The following VNN1 variants were observed in gnomAD, a reference collection of about 807,000 sequenced individuals.
VNN1 encodes vanin 1, also known as pantetheinase.
A neutral mutation model predicts 41.9 loss-of-function variants in VNN1; 29 were observed. That is an observed-to-expected ratio of 0.69 (90% CI 0.52 to 0.94). The LOEUF is 0.94. Ranked by LOEUF, VNN1 falls within the 40% of genes least tolerant of loss-of-function variation. The probability of loss-of-function intolerance (pLI) is 0.00; values close to 1 mark genes in which losing one functional copy is unlikely to be tolerated. For synonymous variants in VNN1, 233 were observed against 224.4 expected (o/e 1.04, Z -0.34); for missense variants, 637 against 621.1 (o/e 1.03, Z -0.27).
chr6:132,709,600 G>T (rs934563767), intron 2 of VNN1, among the ~76,000 whole-genome samples: 1 of 151,614 alleles, frequency 6.6e-6, no homozygotes, highest in Admixed American at 6.6e-5. Flanking sequence ...GGGGATAGAG[G>T]TTGCAGTGAG....
At position 132,705,545 on chromosome 6, in the gene VNN1, A is replaced by G. The variant is rs147130086; in HGVS notation, c.341+6164T>C. Among the ~76,000 whole-genome samples the G allele has an allele frequency of 2.8e-3, 423 of 152,338 alleles. 3 individuals carry two copies. Among genetic ancestry groups the G allele is most frequent in the African/African-American group, 9.6e-3 (398 of 41,588 alleles). On this transcript the variant is annotated intron_variant, in intron 2 of 6. Transcript: ENST00000367928. ...CTCAACACAATAATAGCCATTTATGACAGACCCATGGCTGGTATCATACTG... is the reference window on the plus strand; with the variant it reads ...CTCAACACAATAATAGCCATTTATGGCAGACCCATGGCTGGTATCATACTG...
At chr6:132,694,944 GGA>G in intron 2 of VNN1, among the ~76,000 whole-genome samples, 3 of 152,158 alleles carry the variant, frequency 2.0e-5, no homozygotes, top group African/African-American at 7.2e-5. Flanking sequence ...GCTGAGGTCA[GGA>G]GTTCGAGACC....
chr6:132,690,526 C>T (rs1406613337), intron 5 of VNN1, among the ~76,000 whole-genome samples: 1 of 152,212 alleles, frequency 6.6e-6, no homozygotes, highest in Non-Finnish European at 1.5e-5. Flanking sequence ...AAGTAGAGCT[C>T]TTTAGTACTC....
At chr6:132,685,814 C>T (rs544080539) in intron 5 of VNN1, among the ~76,000 whole-genome samples, 20 of 152,316 alleles carry the variant, frequency 1.3e-4, no homozygotes, top group African/African-American at 4.8e-4. Context: ...CTGATCCTCC[C>T]CTACTCCAGT....
At chr6:132,689,996 A>G (rs1778259195) in intron 5 of VNN1, among the ~76,000 whole-genome samples, 1 of 152,156 alleles carries the variant, frequency 6.6e-6, no homozygotes, top group Non-Finnish European at 1.5e-5. Flanking sequence ...TGGACTCTCC[A>G]TTCCGTTTTC....
chr6:132,707,975 G>C (rs1387856339), intron 2 of VNN1, among the ~76,000 whole-genome samples: 3 of 152,112 alleles, frequency 2.0e-5, no homozygotes, highest in African/African-American at 7.2e-5. Context: ...TTGAGGGGAT[G>C]GAAACCCCAT....
At chr6:132,684,571 T>G (rs1778180396) in intron 5 of VNN1, 66 bp from the exon 6 acceptor site, 1 of 1,563,096 alleles carries the variant, frequency 6.4e-7, no homozygotes, top group Non-Finnish European at 8.8e-7. Flanking sequence ...TTTGCTTGAT[T>G]TAATCATTTC....
chr6:132,697,351 G>A (rs1304996257), intron 2 of VNN1, among the ~76,000 whole-genome samples: 2 of 152,086 alleles, frequency 1.3e-5, no homozygotes, highest in Admixed American at 6.6e-5. Context: ...AAATGCAGGG[G>A]ATTCATTAGG....
chr6:132,680,894 G>T lies in VNN1; in HGVS notation c.*2246C>A, dbSNP rs1778108794. ...AATTTAATTATTCAATGTATAGAAA[G>T]TTTTTTAGTGTAGTGCTTTTCAGAC... On this transcript the variant is annotated 3_prime_UTR_variant, in exon 7 of 7. Coordinates refer to ENST00000367928, the MANE Select transcript of VNN1 (RefSeq NM_004666.3). 6.6e-6 allele frequency among the ~76,000 whole-genome samples: 1 copy of T among 152,060 alleles called. No individual in the cohort carries two copies. The highest frequency in any genetic ancestry group is 1.5e-5 in the Non-Finnish European group (1 of 68,008).
In VNN1 at chr6:132,691,642, A is replaced by T. The variant is rs45534133; in HGVS notation, c.1188+581T>A. ...TATTTATTTTTAATACTGCTACTGC[A>T]AGTAAATGTCCTGCCTTTTCCCAAT... On this transcript the variant is annotated intron_variant, in intron 5 of 6. Transcript: ENST00000367928. Among the ~76,000 whole-genome samples the T allele has an allele frequency of 8.9e-3, 1,351 of 152,322 alleles. 21 individuals carry two copies. Among genetic ancestry groups the T allele is most frequent in the African/African-American group, 0.03 (1,240 of 41,556 alleles).
intron 2 of VNN1, among the ~76,000 whole-genome samples, chr6:132,697,829 C>CT (rs1778394567): frequency 6.6e-6 from 1 of 152,066 alleles, no homozygotes; most frequent in African/African-American, 2.4e-5. Context: ...TTTAACCCAC[C>CT]TTTGCTTCAA....
In VNN1 at chr6:132,692,474, C is replaced by A; in HGVS notation, c.937G>T (p.Val313Leu). 2 of 1,614,040 alleles carry A rather than the reference C, an allele frequency of 1.2e-6. No individual in the cohort carries two copies. The highest frequency in any genetic ancestry group is 1.3e-5 in the African/African-American group (1 of 75,062). ...QLDSHPSHSA[V>L]VNWTSYASSI... Reference sequence around the variant, plus strand: ...CTGGCATAGGAAGTCCAGTTCACCACTGCAGAATGGGATGGGTGGGAATCC... The same window carrying A: ...CTGGCATAGGAAGTCCAGTTCACCAATGCAGAATGGGATGGGTGGGAATCC... Residue 313 changes from valine (V) to leucine (L), a missense_variant, in exon 5 of 7, where the codon GTG becomes TTG. Val to Leu is a conservative substitution (Grantham distance 32, BLOSUM62 1). Transcript: ENST00000367928.
chr6:132,700,286 T>C (rs1778432279), intron 2 of VNN1, among the ~76,000 whole-genome samples: 1 of 147,980 alleles, frequency 6.8e-6, no homozygotes, highest in South Asian at 2.1e-4. Flanking sequence ...ATATATGATA[T>C]ATACTTGTCA....
chr6:132,710,514 C>A (rs1778584034), intron 2 of VNN1, among the ~76,000 whole-genome samples: 1 of 152,090 alleles, frequency 6.6e-6, no homozygotes, highest in Non-Finnish European at 1.5e-5. Flanking sequence ...TAATGCCATC[C>A]CTCCCTTAGC....
intron 2 of VNN1, among the ~76,000 whole-genome samples, chr6:132,695,141 A>G (rs1214959516): frequency 6.6e-6 from 1 of 152,172 alleles, no homozygotes; most frequent in Admixed American, 6.5e-5. Flanking sequence ...AACAAGAGTG[A>G]GACTCCATCT....
chr6:132,700,553 C>A (rs984634902), intron 2 of VNN1, among the ~76,000 whole-genome samples: 3 of 152,032 alleles, frequency 2.0e-5, no homozygotes, highest in Admixed American at 6.6e-5. Context: ...TGGGGCTGAG[C>A]CTGAGTGGCA....
At chr6:132,697,818 G>A (rs757402379) in intron 2 of VNN1, among the ~76,000 whole-genome samples, 1 of 152,118 alleles carries the variant, frequency 6.6e-6, no homozygotes, top group African/African-American at 2.4e-5. Context: ...CCGTTCAATA[G>A]TTTAACCCAC....
In VNN1 at chr6:132,693,197, T is replaced by C. The variant is rs1444138727; in HGVS notation, c.653A>G (p.Asp218Gly). 1 of 1,614,112 alleles carries C rather than the reference T, an allele frequency of 6.2e-7. No individual in the cohort carries two copies. Among genetic ancestry groups the C allele is most frequent in the Admixed American group, 1.7e-5 (1 of 60,012 alleles). The change falls in exon 4 of 7, where the codon GAT (aspartate) becomes GGT (glycine). Residue 218 changes from aspartate to glycine, a missense_variant. Asp to Gly is a moderately conservative substitution (Grantham distance 94). Transcript: ENST00000367928. ...ATCTTTCACCAAGGTAACAGCAGGA[T>C]CATGGAAGAGTATATCAAAGCATGT... ...IFTCFDILFHDPAVTLVKDFH... is the reference protein window; with the variant it reads ...IFTCFDILFHGPAVTLVKDFH...
Position 132,713,836 on chromosome 6 carries a change from G to T in VNN1, c.200C>A (p.Ala67Glu). 6.8e-6 allele frequency: 11 copies of T among 1,612,834 alleles called. No homozygotes were observed. The highest frequency in any genetic ancestry group is 9.3e-6 in the Non-Finnish European group (11 of 1,180,024). The change falls in exon 1 of 7, where the codon GCA becomes GAA. Residue 67 changes from alanine (A) to glutamate (E), a missense_variant. Physicochemically the swap from Ala to Glu is moderately radical, Grantham distance 107 (BLOSUM62 -1). Coordinates refer to ENST00000367928, the MANE Select transcript of VNN1 (RefSeq NM_004666.3). ...TGGTAGAGATGGTACCTGATCTGCT[G>T]CTGATGTGATCGCTCCTTCCAAAAT... ...LDILEGAITS[A>E]ADQGAHIIVT...
Sources: allele counts gnomAD v4.1 joint callset (sites outside exome capture counted in the v4.1 genomes callset), GRCh38; gene constraint gnomAD v4.1.1; transcripts MANE v1.5; gene names NCBI Gene and HGNC (gene_info 2026-07-23, HGNC 2026-07-21).